LIMCH1: variants seen among roughly 807,000 people sequenced by gnomAD.
LIMCH1 encodes the protein LIM and calponin homology domains-containing protein 1.
Under a neutral mutation model 176.5 loss-of-function variants are expected in LIMCH1, and 113 were observed. The observed-to-expected ratio is 0.64, with a 90% CI of 0.55 to 0.75. The LOEUF is 0.75. Ranked by LOEUF, LIMCH1 falls within the 30% of genes least tolerant of loss-of-function variation. LIMCH1 has a pLI of 0.00. For synonymous variants in LIMCH1, 619 were observed against 645.9 expected (o/e 0.96, Z 0.63); for missense variants, 1,674 against 1,814.9 (o/e 0.92, Z 1.41).
intron 2 of LIMCH1, among the ~76,000 whole-genome samples, chr4:41,508,142 A>G (rs2074405433): frequency 6.6e-6 from 1 of 152,170 alleles, no homozygotes; most frequent in Non-Finnish European, 1.5e-5. Flanking sequence ...CAGTGGGGCA[A>G]TGGTATGAGA....
chr4:41,493,451 T>TA (rs537414292), intron 1 of LIMCH1, among the ~76,000 whole-genome samples: 126 of 141,266 alleles, frequency 8.9e-4, no homozygotes, highest in Middle Eastern at 3.6e-3. Context: ...CCAAAAATAT[T>TA]AAAAAAAAAA....
chr4:41,528,177 T>A (rs1480766286), intron 3 of LIMCH1, among the ~76,000 whole-genome samples: 1 of 151,744 alleles, frequency 6.6e-6, no homozygotes, highest in East Asian at 1.9e-4. Context: ...TCTGGGTACA[T>A]AATATATAAT....
intron 1 of LIMCH1, among the ~76,000 whole-genome samples, chr4:41,592,615 C>A (rs2087837440): frequency 6.6e-6 from 1 of 152,122 alleles, no homozygotes; most frequent in Non-Finnish European, 1.5e-5. Context: ...AATAATAACT[C>A]CCAGACAATG....
intron 1 of LIMCH1, among the ~76,000 whole-genome samples, chr4:41,389,857 AC>A (rs1011034829): frequency 3.3e-5 from 5 of 152,156 alleles, no homozygotes; most frequent in Non-Finnish European, 7.4e-5. Flanking sequence ...TCTGAAAAAT[AC>A]CAAGACAGAC....
intron 4 of LIMCH1, chr4:41,612,461 C>A: frequency 1.4e-6 from 1 of 692,716 alleles, no homozygotes. Context: ...TATCCACAGT[C>A]CTAATTTTAA....
At chr4:41,375,415 A>C (rs751962983) in intron 1 of LIMCH1, among the ~76,000 whole-genome samples, 1 of 152,160 alleles carries the variant, frequency 6.6e-6, no homozygotes, top group Non-Finnish European at 1.5e-5. Context: ...ACTGTTGATT[A>C]AAAAAATAAA....
At chr4:41,450,917 A>C (rs191942215) in intron 1 of LIMCH1, among the ~76,000 whole-genome samples, 52 of 151,366 alleles carry the variant, frequency 3.4e-4, no homozygotes, top group Non-Finnish European at 6.8e-4. Flanking sequence ...TCTCAATTTG[A>C]TAATTCCCTT....
At chr4:41,658,568 T>A (rs1285616952) in intron 18 of LIMCH1, among the ~76,000 whole-genome samples, 2 of 152,180 alleles carry the variant, frequency 1.3e-5, no homozygotes, top group Non-Finnish European at 2.9e-5. Context: ...GGTCTTTAGG[T>A]CTAAAGGGCT....
At chr4:41,373,198 T>C (rs2054235597) in intron 1 of LIMCH1, among the ~76,000 whole-genome samples, 2 of 152,206 alleles carry the variant, frequency 1.3e-5, no homozygotes, top group Admixed American at 1.3e-4. Flanking sequence ...GGAAGTGCTA[T>C]GTAAGCTGAG....
At chr4:41,626,671 A>C in intron 7 of LIMCH1, 37 bp from the exon 8 acceptor site, 12 of 1,502,464 alleles carry the variant, frequency 8.0e-6, no homozygotes, top group Non-Finnish European at 1.1e-5. Flanking sequence ...TTTTTGTCTG[A>C]TCACATGTGG....
chr4:41,573,891 G>C, intron 1 of LIMCH1, among the ~76,000 whole-genome samples: 1 of 152,230 alleles, frequency 6.6e-6, no homozygotes, highest in South Asian at 2.1e-4. Context: ...AAAGCCAATG[G>C]CTATTAGGTC....
chr4:41,553,800 C>T (rs985697291), intron 1 of LIMCH1, among the ~76,000 whole-genome samples: 2 of 152,128 alleles, frequency 1.3e-5, no homozygotes, highest in African/African-American at 4.8e-5. Flanking sequence ...GGACTGGAGG[C>T]CAGTTTTGGC....
intron 1 of LIMCH1, among the ~76,000 whole-genome samples, chr4:41,470,393 G>C (rs1247580577): frequency 2.0e-5 from 3 of 152,158 alleles, no homozygotes; most frequent in Non-Finnish European, 4.4e-5. Context: ...CCCATTCAGA[G>C]ATTTGCTCTT....
intron 2 of LIMCH1, among the ~76,000 whole-genome samples, chr4:41,515,107 G>C (rs1451608255): frequency 6.6e-6 from 1 of 152,200 alleles, no homozygotes; most frequent in African/African-American, 2.4e-5. Flanking sequence ...GTAGCTGTTG[G>C]CTTGTCCTCG....
chr4:41,582,498 G>C (rs902457217), intron 1 of LIMCH1, among the ~76,000 whole-genome samples: 1 of 152,162 alleles, frequency 6.6e-6, no homozygotes, highest in African/African-American at 2.4e-5. Flanking sequence ...TAAATTTATA[G>C]ACCTGGAGGC....
intron 6 of LIMCH1, 32 bp from the exon 7 acceptor site, chr4:41,620,392 A>T: frequency 1.3e-6 from 2 of 1,526,346 alleles, no homozygotes; most frequent in Non-Finnish European, 1.8e-6. Context: ...CCAGTCTGTT[A>T]GTTTGGTAAA....
In LIMCH1 at chr4:41,565,342, C is replaced by A. The variant is rs536250749; in HGVS notation, c.-241+26992C>A. ...AAAGATAGTTAGAAGTTAGCTATTT[C>A]GGATACACACACACACACACACACA... On this transcript the variant is annotated intron_variant, in intron 1 of 31. Transcript: ENST00000503057. Among the ~76,000 whole-genome samples the A allele has an allele frequency of 2.4e-4, 33 of 135,510 alleles. 1 individual carries two copies. In the East Asian group the frequency reaches 6.5e-3, roughly 27 times the overall value. The allele number at this position is 135,510 out of a possible 152,430, so 88.9% of individuals were successfully genotyped here.
At chr4:41,470,223 C>T (rs2066750078) in intron 1 of LIMCH1, among the ~76,000 whole-genome samples, 1 of 152,198 alleles carries the variant, frequency 6.6e-6, no homozygotes. Flanking sequence ...CAACGGATCA[C>T]TTCTAAAAGC....
chr4:41,479,031 A>T (rs1561495310), intron 1 of LIMCH1, among the ~76,000 whole-genome samples: 1 of 152,132 alleles, frequency 6.6e-6, no homozygotes, highest in East Asian at 1.9e-4. Flanking sequence ...AAGGGAAGGG[A>T]AGGGGAGGGG....
Sources: gnomAD v4.1 joint callset for allele counts (sites outside exome capture counted in the v4.1 genomes callset) on GRCh38, gnomAD v4.1.1 for gene constraint, MANE v1.5 for transcripts, NCBI Gene and HGNC (gene_info 2026-07-23, HGNC 2026-07-21) for gene names.